PTPRT: variants seen among roughly 807,000 people sequenced by gnomAD.
PTPRT encodes the protein protein tyrosine phosphatase receptor type T.
In PTPRT, 56 loss-of-function variants were observed where a neutral mutation model predicts 176.8. The observed-to-expected ratio is 0.32, with a 90% CI of 0.26 to 0.40. The LOEUF is 0.40. Among genes scored for constraint, PTPRT ranks in the 10% least tolerant of loss-of-function variants. PTPRT has a pLI of 1.00. For synonymous variants in PTPRT, 783 were observed against 739.0 expected (o/e 1.06, Z -0.96); for missense variants, 1,540 against 1,908.2 (o/e 0.81, Z 3.60).
chr20:43,154,138 A>G (rs1304461866), intron 1 of PTPRT, among the ~76,000 whole-genome samples: 2 of 152,232 alleles, frequency 1.3e-5, no homozygotes, highest in Non-Finnish European at 1.5e-5. Context: ...TCTTCTAATC[A>G]TTTCATCATT....
At chr20:42,242,973 GC>G (rs2056382738) in intron 14 of PTPRT, among the ~76,000 whole-genome samples, 2 of 145,322 alleles carry the variant, frequency 1.4e-5, no homozygotes, top group African/African-American at 5.0e-5. Flanking sequence ...GGAAACTCAT[GC>G]AATAGGGCTA....
chr20:42,869,103 C>G (rs1303765693), intron 2 of PTPRT, among the ~76,000 whole-genome samples: 1 of 152,268 alleles, frequency 6.6e-6, no homozygotes, highest in African/African-American at 2.4e-5. Context: ...GCCTCAGTGC[C>G]CAGGCAGAGA....
chr20:43,162,961 G>A (rs1334146855), intron 1 of PTPRT, among the ~76,000 whole-genome samples: 32 of 152,166 alleles, frequency 2.1e-4, no homozygotes, highest in South Asian at 2.1e-4. Context: ...CAAACCAGAC[G>A]GTGAGCTCCT....
intron 2 of PTPRT, among the ~76,000 whole-genome samples, chr20:42,881,484 G>A (rs1326999361): frequency 6.6e-6 from 1 of 152,090 alleles, no homozygotes; most frequent in Non-Finnish European, 1.5e-5. Context: ...CAGCACTTTG[G>A]GAGGCCGAGG....
chr20:42,395,056 T>G (rs543395537), intron 9 of PTPRT, among the ~76,000 whole-genome samples: 2 of 152,194 alleles, frequency 1.3e-5, no homozygotes, highest in African/African-American at 4.8e-5. Flanking sequence ...CCATGCTAAC[T>G]GGTCTCGTTG....
At chr20:42,467,543 T>C (rs1017328179) in intron 8 of PTPRT, among the ~76,000 whole-genome samples, 7 of 152,260 alleles carry the variant, frequency 4.6e-5, no homozygotes, top group Non-Finnish European at 5.9e-5. Flanking sequence ...TTAAAATTAA[T>C]GCAAAATTTA....
chr20:42,345,651 T>C (rs186434010), intron 11 of PTPRT, among the ~76,000 whole-genome samples: 119 of 149,668 alleles, frequency 8.0e-4, no homozygotes, highest in African/African-American at 2.8e-3. Context: ...CACTATCCCA[T>C]GTAAAGGGAA....
the PTPRT span, among the ~76,000 whole-genome samples, chr20:42,056,594 C>A: frequency 6.6e-6 from 1 of 152,216 alleles, no homozygotes; most frequent in Non-Finnish European, 1.5e-5. Flanking sequence ...GAATGCTGTG[C>A]ATCCCTGTGT....
At chr20:42,411,324 C>A (rs2059014083) in intron 9 of PTPRT, among the ~76,000 whole-genome samples, 1 of 151,808 alleles carries the variant, frequency 6.6e-6, no homozygotes, top group Admixed American at 6.6e-5. Flanking sequence ...TGAGACCAGC[C>A]TGGCCAACTT....
chr20:42,743,713 T>C (rs2076646973), intron 6 of PTPRT, among the ~76,000 whole-genome samples: 1 of 152,114 alleles, frequency 6.6e-6, no homozygotes, highest in Admixed American at 6.5e-5. Context: ...GAGCACATGT[T>C]GTGCAAGGGG....
At chr20:42,382,281 GC>G (rs2058704493) in intron 9 of PTPRT, among the ~76,000 whole-genome samples, 1 of 152,200 alleles carries the variant, frequency 6.6e-6, no homozygotes, top group Non-Finnish European at 1.5e-5. Flanking sequence ...CTGGGCCTGA[GC>G]TAGCCTTTGC....
chr20:42,677,806 G>T (rs2075532502), intron 7 of PTPRT, 60 bp downstream of exon 7: 2 of 1,542,378 alleles, frequency 1.3e-6, no homozygotes, highest in Non-Finnish European at 1.8e-6. Context: ...CAAGAGGAAA[G>T]CCAGTCTTGG....
At chr20:42,527,365 C>T (rs2072297131) in intron 7 of PTPRT, among the ~76,000 whole-genome samples, 1 of 152,134 alleles carries the variant, frequency 6.6e-6, no homozygotes, top group Non-Finnish European at 1.5e-5. Flanking sequence ...CTGAAATTGA[C>T]ATCGAAGGGA....
At chr20:43,023,790 G>A (rs1346004810) in intron 1 of PTPRT, among the ~76,000 whole-genome samples, 2 of 152,202 alleles carry the variant, frequency 1.3e-5, no homozygotes, top group South Asian at 2.1e-4. Flanking sequence ...AGCTTTAGAG[G>A]CTATGTCTTG....
intron 6 of PTPRT, among the ~76,000 whole-genome samples, chr20:42,682,257 G>A (rs1336904671): frequency 6.6e-6 from 1 of 152,114 alleles, no homozygotes; most frequent in Non-Finnish European, 1.5e-5. Context: ...GTATTTTTAT[G>A]CATATAAGTG....
chr20:42,232,980 C>G (rs2056167105), intron 15 of PTPRT, among the ~76,000 whole-genome samples: 1 of 152,122 alleles, frequency 6.6e-6, no homozygotes, highest in Non-Finnish European at 1.5e-5. Flanking sequence ...GCAGCATCTG[C>G]TATGGCCAAC....
intron 4 of PTPRT, among the ~76,000 whole-genome samples, chr20:42,775,137 C>T (rs1050361492): frequency 1.3e-5 from 2 of 152,204 alleles, no homozygotes; most frequent in Admixed American, 6.5e-5. Context: ...CAATTCCCCC[C>T]AGATGGGATG....
intron 1 of PTPRT, among the ~76,000 whole-genome samples, chr20:42,993,034 A>G (rs938749062): frequency 6.6e-6 from 1 of 152,148 alleles, no homozygotes; most frequent in East Asian, 1.9e-4. Context: ...GTTCCACTAC[A>G]TTCTATTTAT....
intron 2 of PTPRT, among the ~76,000 whole-genome samples, chr20:42,806,133 G>A (rs1490890484): frequency 6.6e-6 from 1 of 151,772 alleles, no homozygotes; most frequent in Non-Finnish European, 1.5e-5. Context: ...GCATCCCTGG[G>A]CAAATTACAT....
Sources: gnomAD v4.1 joint callset for allele counts (sites outside exome capture counted in the v4.1 genomes callset) on GRCh38, gnomAD v4.1.1 for gene constraint, MANE v1.5 for transcripts, NCBI Gene and HGNC (gene_info 2026-07-23, HGNC 2026-07-21) for gene names.